The following SRPK2 variants were observed in gnomAD, a reference collection of about 807,000 sequenced individuals.
SRPK2 encodes SFRS protein kinase 2.
A neutral mutation model predicts 90.8 loss-of-function variants in SRPK2; 21 were observed. That is an observed-to-expected ratio of 0.23 (90% confidence interval 0.16 to 0.33). The LOEUF (loss-of-function observed/expected upper bound fraction) is 0.33, where lower values mean the gene tolerates loss of function less well. SRPK2 is among the 10% of genes least tolerant of loss of function. SRPK2 has a pLI of 1.00. For missense variants in SRPK2, 620 were observed against 869.0 expected (o/e 0.71, Z 3.60); for synonymous variants, 288 against 311.1 (o/e 0.93, Z 0.78).
At chr7:105,193,511 T>C (rs1467726592) in intron 3 of SRPK2, among the ~76,000 whole-genome samples, 3 of 152,228 alleles carry the variant, frequency 2.0e-5, no homozygotes, top group Non-Finnish European at 4.4e-5. Flanking sequence ...GCTTTGACTA[T>C]GCAGACTCTT....
intron 3 of SRPK2, among the ~76,000 whole-genome samples, chr7:105,170,894 AG>A (rs1563025704): frequency 3.7e-4 from 38 of 102,954 alleles, no homozygotes; most frequent in Non-Finnish European, 6.2e-4. Context: ...AAAGAAAGAA[AG>A]AAAGAAAGAA....
chr7:105,388,646 ACT>A lies in SRPK2; in HGVS notation c.71_71+1del. The A allele has an allele frequency of 6.3e-7, 1 of 1,586,114 alleles. No individual in the cohort carries two copies. Among genetic ancestry groups the A allele is most frequent in the Non-Finnish European group, 8.6e-7 (1 of 1,166,468 alleles). On this transcript the variant is annotated splice_donor_variant and coding_sequence_variant, in exon 2 of 16. Transcript: ENST00000393651. LOFTEE classifies it high-confidence loss of function. ...ACGGGGACAGGCGCAGCGTGGACTC[ACT>A]TTTTCGGATGTTTCTCTCTTTTCGG...
chr7:105,241,950 T>G (rs1216142436), intron 2 of SRPK2, among the ~76,000 whole-genome samples: 1 of 151,720 alleles, frequency 6.6e-6, no homozygotes, highest in Non-Finnish European at 1.5e-5. Flanking sequence ...TTGGGGCCAC[T>G]TTTACAGTCT....
chr7:105,182,382 T>TA (rs1264473766), intron 3 of SRPK2, among the ~76,000 whole-genome samples: 1 of 151,556 alleles, frequency 6.6e-6, no homozygotes, highest in South Asian at 2.1e-4. Flanking sequence ...AAAACAAGAA[T>TA]GGTACATTGA....
intron 2 of SRPK2, among the ~76,000 whole-genome samples, chr7:105,265,129 T>C (rs1804865109): frequency 6.6e-6 from 1 of 152,102 alleles, no homozygotes; most frequent in South Asian, 2.1e-4. Flanking sequence ...TCCCTCTCTT[T>C]CTCTTCACCT....
intron 2 of SRPK2, among the ~76,000 whole-genome samples, chr7:105,213,624 GTAAGCC>G (rs1428207374): frequency 2.0e-5 from 3 of 152,012 alleles, no homozygotes; most frequent in African/African-American, 7.2e-5. Context: ...ATATACAAAA[GTAAGCC>G]TACCTTTTAC....
chr7:105,371,762 T>TG (rs1819720272), intron 2 of SRPK2, among the ~76,000 whole-genome samples: 2 of 152,018 alleles, frequency 1.3e-5, no homozygotes, highest in Non-Finnish European at 2.9e-5. Context: ...GTTTAGACTG[T>TG]GGGAAATATG....
intron 1 of SRPK2, among the ~76,000 whole-genome samples, chr7:105,395,855 T>A (rs1822306793): frequency 6.6e-6 from 1 of 152,228 alleles, no homozygotes; most frequent in East Asian, 1.9e-4. Context: ...AATTAAAGTA[T>A]ACCAAATTAA....
intron 2 of SRPK2, among the ~76,000 whole-genome samples, chr7:105,223,897 C>T (rs1276098717): frequency 6.6e-6 from 1 of 152,120 alleles, no homozygotes; most frequent in Admixed American, 6.5e-5. Context: ...GTATATGCCT[C>T]GAGTTACACA....
At chr7:105,295,167 C>T (rs903279203) in intron 2 of SRPK2, among the ~76,000 whole-genome samples, 9 of 150,576 alleles carry the variant, frequency 6.0e-5, no homozygotes, top group Non-Finnish European at 1.2e-4. Flanking sequence ...AGCCAAACTG[C>T]GCCACTGTGC....
chr7:105,239,168 A>G (rs550295517), intron 2 of SRPK2, among the ~76,000 whole-genome samples: 2 of 152,374 alleles, frequency 1.3e-5, no homozygotes, highest in South Asian at 4.1e-4. Flanking sequence ...AGTCCCATTC[A>G]TCAGAAGAGG....
intron 2 of SRPK2, among the ~76,000 whole-genome samples, chr7:105,330,157 G>A (rs1159840184): frequency 6.6e-6 from 1 of 151,970 alleles, no homozygotes; most frequent in African/African-American, 2.4e-5. Flanking sequence ...GGCTAACACG[G>A]TGAAACCCCA....
At position 105,144,699 on chromosome 7, in the gene SRPK2, T is replaced by C. The variant is rs1245342368; in HGVS notation, c.813+584A>G. 2.6e-5 allele frequency among the ~76,000 whole-genome samples: 4 copies of C among 152,132 alleles called. No homozygotes were observed. In the East Asian group the frequency reaches 7.7e-4, roughly 29 times the overall value. ...AAAGTGGTTTTGAAATAAAAATACT[T>C]CAACTCCATCACCTCACATTTCACT... On this transcript the variant is annotated intron_variant, in intron 9 of 15. Transcript: ENST00000393651.
intron 11 of SRPK2, among the ~76,000 whole-genome samples, chr7:105,139,174 G>T (rs1028114080): frequency 6.6e-6 from 1 of 152,190 alleles, no homozygotes; most frequent in Admixed American, 6.5e-5. Context: ...GTGAGCAGGG[G>T]AATACACTGA....
chr7:105,339,648 T>C (rs190384508), intron 2 of SRPK2, among the ~76,000 whole-genome samples: 176 of 152,348 alleles, frequency 1.2e-3, no homozygotes, highest in Middle Eastern at 3.4e-3. Flanking sequence ...GCTTTTTTCA[T>C]TGATAGTGCA....
At chr7:105,387,793 G>A (rs1029387131) in intron 2 of SRPK2, among the ~76,000 whole-genome samples, 5 of 152,224 alleles carry the variant, frequency 3.3e-5, no homozygotes, top group Non-Finnish European at 5.9e-5. Flanking sequence ...AATTAGGAGA[G>A]AGGAGTGGAA....
intron 2 of SRPK2, among the ~76,000 whole-genome samples, chr7:105,230,674 T>C (rs1799313964): frequency 6.6e-6 from 1 of 152,200 alleles, no homozygotes; most frequent in African/African-American, 2.4e-5. Context: ...AATGCTGAAA[T>C]GGACACTCAC....
chr7:105,117,910 C>T lies in SRPK2; in HGVS notation c.2028G>A (p.Pro676=), dbSNP rs1213191568. ...GTTTTTCTGGAACCATTTCTAACAT[C>T]GGGATCAGGAAATCTGTAAACTGTG... The part of the protein sequence containing the change: ...DAAQFTDFLI[P]MLEMVPEKRA... The change falls in exon 16 of 16, where the codon CCG becomes CCA. Residue 676 remains proline, a synonymous_variant. Coordinates refer to ENST00000393651, the MANE Select transcript of SRPK2 (RefSeq NM_182692.3). The T allele has an allele frequency of 1.2e-5, 20 of 1,613,938 alleles. No homozygotes were observed. Among genetic ancestry groups the T allele is most frequent in the East Asian group, 2.2e-5 (1 of 44,894 alleles).
At chr7:105,303,412 T>C (rs1351886843) in intron 2 of SRPK2, among the ~76,000 whole-genome samples, 4 of 151,780 alleles carry the variant, frequency 2.6e-5, no homozygotes, top group African/African-American at 7.3e-5. Context: ...TACATACATA[T>C]GTAACAAACC....
Sources: allele counts gnomAD v4.1 joint callset (sites outside exome capture counted in the v4.1 genomes callset), GRCh38; gene constraint gnomAD v4.1.1; transcripts MANE v1.5; gene names NCBI Gene and HGNC (gene_info 2026-07-23, HGNC 2026-07-21).